CHRDL2: variants seen among roughly 807,000 people sequenced by gnomAD.
The protein encoded by CHRDL2 is chordin like 2.
CHRDL2 carries 41 observed loss-of-function variants against 54.3 expected under a neutral mutation model. The observed-to-expected ratio is 0.76, with a 90% CI of 0.59 to 0.98. The LOEUF is 0.98. CHRDL2 is among the 50% of genes least tolerant of loss of function. The pLI, the probability that CHRDL2 is intolerant of heterozygous loss-of-function variation, is 0.00. For synonymous variants in CHRDL2, 220 were observed against 224.3 expected (o/e 0.98, Z 0.17); for missense variants, 518 against 562.4 (o/e 0.92, Z 0.80).
intron 1 of CHRDL2, among the ~76,000 whole-genome samples, chr11:74,722,819 G>A (rs1185802311): frequency 1.3e-5 from 2 of 152,180 alleles, no homozygotes; most frequent in African/African-American, 4.8e-5. Context: ...CTTGGGCGGG[G>A]ATACAGAGAT....
chr11:74,731,161 C>A lies in CHRDL2; in HGVS notation c.-273G>T. On this transcript the variant is annotated 5_prime_UTR_variant, in exon 1 of 11. Transcript: ENST00000376332. The surrounding 1 kb of genome is among the most constrained non-coding windows in gnomAD (Gnocchi z 4.4). Reference sequence around the variant, plus strand: ...AGGAAGGTCCAGCAGAAGGGAGAGGCGATCAAAGAAAGGGGGAAGGTGAGA... The same window carrying A: ...AGGAAGGTCCAGCAGAAGGGAGAGGAGATCAAAGAAAGGGGGAAGGTGAGA... 2 of 424,376 alleles carry A rather than the reference C, an allele frequency of 4.7e-6. No homozygotes were observed. Among genetic ancestry groups the A allele is most frequent in the South Asian group, 3.6e-5 (1 of 27,466 alleles). The allele number at this position is 424,376 out of a possible 1,614,324, so 26.3% of individuals were successfully genotyped here. A position where few individuals can be genotyped will look rare whatever the true frequency, so the allele number is the denominator to read the frequency against.
chr11:74,700,643 A>ATT (rs10661880), intron 9 of CHRDL2, among the ~76,000 whole-genome samples: 72 of 136,010 alleles, frequency 5.3e-4, no homozygotes, highest in African/African-American at 1.8e-3. Context: ...TATTATTATT[A>ATT]TTTTTTTTTT....
chr11:74,701,976 G>T (rs1211830910), intron 9 of CHRDL2, among the ~76,000 whole-genome samples: 2 of 152,206 alleles, frequency 1.3e-5, no homozygotes, highest in African/African-American at 4.8e-5. Flanking sequence ...AAAACCTGCT[G>T]GGTGTCGTGG....
At position 74,703,374 on chromosome 11, in the gene CHRDL2, T is replaced by C; in HGVS notation, c.877A>G (p.Thr293Ala). ...EDGRQDCQRV[T>A]CPTEYPCRHP... ...CGGCAGGGGTACTCGGTGGGACAGG[T>C]CACACGCTGGCAGTCCTGGCGGCCA... The change falls in exon 8 of 11, where the codon ACC becomes GCC. Residue 293 changes from threonine to alanine, a missense_variant. Coordinates refer to ENST00000376332, the MANE Select transcript of CHRDL2 (RefSeq NM_001278473.3). 1 of 1,613,616 alleles carries C rather than the reference T, an allele frequency of 6.2e-7. No individual in the cohort carries two copies. Among genetic ancestry groups the C allele is most frequent in the Non-Finnish European group, 8.5e-7 (1 of 1,179,894 alleles).
At chr11:74,718,948 G>C (rs568296970) in intron 1 of CHRDL2, 116 bp from the exon 2 acceptor site, 1 of 659,702 alleles carries the variant, frequency 1.5e-6, no homozygotes, top group East Asian at 2.8e-5. Flanking sequence ...TCAGGCAAAA[G>C]AGAATCTGCT....
Position 74,711,059 on chromosome 11 carries a change from A to C in CHRDL2, c.290-68T>G. The C allele has an allele frequency of 3.9e-6, 6 of 1,523,544 alleles. No homozygotes were observed. In the South Asian group the frequency reaches 7.3e-5, roughly 19 times the overall value. 94.4% of individuals were successfully genotyped at this position (1,523,544 alleles called of 1,614,324 possible). On this transcript the variant is annotated intron_variant, in intron 3 of 10. Transcript: ENST00000376332. Reference sequence around the variant, plus strand: ...CATGTGAATCTTTGCTGAAATTAACAAGGCCACTTTTCTGATGATTTTGCA... The same window carrying C: ...CATGTGAATCTTTGCTGAAATTAACCAGGCCACTTTTCTGATGATTTTGCA...
In CHRDL2 at chr11:74,731,137, G is replaced by A. The variant is rs1157232778; in HGVS notation, c.-249C>T. The A allele has an allele frequency of 5.7e-6, 3 of 525,654 alleles. No homozygotes were observed. The highest frequency in any genetic ancestry group is 3.9e-5 in the African/African-American group (2 of 51,280). The allele number at this position is 525,654 out of a possible 1,614,324, so 32.6% of individuals were successfully genotyped here. On this transcript the variant is annotated 5_prime_UTR_variant, in exon 1 of 11. Transcript: ENST00000376332. The surrounding 1 kb of genome is among the most constrained non-coding windows in gnomAD (Gnocchi z 4.4). The stretch of plus-strand genomic sequence containing the variant: ...AAGGAGGGAGAGATGGAGAGACGAA[G>A]GAAGGTCCAGCAGAAGGGAGAGGCG...
chr11:74,704,121 A>G (rs2033923667), intron 7 of CHRDL2, among the ~76,000 whole-genome samples: 1 of 152,098 alleles, frequency 6.6e-6, no homozygotes, highest in African/African-American at 2.4e-5. Flanking sequence ...TGTCTTCCCA[A>G]CTAGTCTATG....
chr11:74,709,776 G>C (rs1467382365), intron 4 of CHRDL2, among the ~76,000 whole-genome samples: 1 of 152,204 alleles, frequency 6.6e-6, no homozygotes, highest in African/African-American at 2.4e-5. Context: ...TACTAGTCTG[G>C]AGAGAACATT....
chr11:74,711,821 T>C (rs1360099310), intron 3 of CHRDL2, among the ~76,000 whole-genome samples: 1 of 151,842 alleles, frequency 6.6e-6, no homozygotes, highest in Non-Finnish European at 1.5e-5. Context: ...TTTTTTTCTT[T>C]TTTTTTTGAG....
intron 4 of CHRDL2, among the ~76,000 whole-genome samples, chr11:74,710,591 CAT>C (rs879610621): frequency 2.6e-4 from 40 of 152,098 alleles, no homozygotes; most frequent in African/African-American, 7.7e-4. Flanking sequence ...AAATGAAAAA[CAT>C]ATGTTTCCTC....
At chr11:74,717,120 A>AAC (rs1461852558) in intron 2 of CHRDL2, among the ~76,000 whole-genome samples, 2 of 152,100 alleles carry the variant, frequency 1.3e-5, no homozygotes, top group African/African-American at 2.4e-5. Flanking sequence ...AAAAAAAAAA[A>AAC]ACCATTCTCA....
At chr11:74,709,769 T>G (rs762762315) in intron 4 of CHRDL2, among the ~76,000 whole-genome samples, 3 of 152,206 alleles carry the variant, frequency 2.0e-5, no homozygotes, top group Non-Finnish European at 4.4e-5. Flanking sequence ...TTTCTGATAC[T>G]AGTCTGGAGA....
intron 2 of CHRDL2, 135 bp from the exon 3 acceptor site, chr11:74,713,614 T>TA: frequency 1.5e-6 from 1 of 675,938 alleles, no homozygotes; most frequent in Admixed American, 2.7e-5. Context: ...TGAAAACAAT[T>TA]AAGTGTGCCC....
At chr11:74,728,485 A>G (rs541341016) in intron 1 of CHRDL2, among the ~76,000 whole-genome samples, 32 of 152,230 alleles carry the variant, frequency 2.1e-4, no homozygotes, top group South Asian at 2.1e-4. Flanking sequence ...CACACAGCCA[A>G]TAAGTGACAA....
Position 74,710,835 on chromosome 11 carries a change from G to A in CHRDL2, c.432+14C>T. On this transcript the variant is annotated intron_variant, in intron 4 of 10. Coordinates refer to ENST00000376332, the MANE Select transcript of CHRDL2 (RefSeq NM_001278473.3). The stretch of plus-strand genomic sequence containing the variant: ...AGCGCTGGCCTGTGCTGAAGGGAAG[G>A]CAGGAGTTCTTACTGTGCAGCTGCA... 1 of 1,613,682 alleles carries A rather than the reference G, an allele frequency of 6.2e-7. No individual in the cohort carries two copies. The highest frequency in any genetic ancestry group is 8.5e-7 in the Non-Finnish European group (1 of 1,179,776).
At chr11:74,696,684 A>G in intron 10 of CHRDL2, 99 bp from the exon 11 acceptor site, 1 of 864,706 alleles carries the variant, frequency 1.2e-6, no homozygotes, top group Admixed American at 1.9e-5. Context: ...GCCAGGAGGA[A>G]CTGCAAGGGC....
intron 2 of CHRDL2, among the ~76,000 whole-genome samples, chr11:74,714,839 C>T (rs1037615299): frequency 6.6e-6 from 1 of 152,116 alleles, no homozygotes; most frequent in African/African-American, 2.4e-5. Context: ...ATTATTAGCA[C>T]CACGAAGCAG....
At chr11:74,721,072 A>G (rs2034490501) in intron 1 of CHRDL2, among the ~76,000 whole-genome samples, 1 of 152,180 alleles carries the variant, frequency 6.6e-6, no homozygotes, top group Admixed American at 6.5e-5. Flanking sequence ...CGCCTCTCAC[A>G]TTCCCAGCAA....
Sources: allele counts gnomAD v4.1 joint callset (sites outside exome capture counted in the v4.1 genomes callset), GRCh38; gene constraint gnomAD v4.1.1; non-coding constraint Gnocchi (gnomAD v3.1); transcripts MANE v1.5; gene names NCBI Gene and HGNC (gene_info 2026-07-23, HGNC 2026-07-21).